MRPS27: variants seen among roughly 807,000 people sequenced by gnomAD.
MRPS27 encodes the protein mitochondrial ribosomal protein S27, also known as small ribosomal subunit protein mS27.
A neutral mutation model predicts 48.9 loss-of-function variants in MRPS27; 43 were observed. The ratio of observed to expected loss-of-function variants is 0.88; its 90% CI spans 0.69 to 1.13. MRPS27 has a LOEUF of 1.13. MRPS27 is among the 50% of genes most tolerant of loss of function. The pLI is 0.00. For missense variants in MRPS27, 467 were observed against 476.3 expected (o/e 0.98, Z 0.18); for synonymous variants, 188 against 171.9 (o/e 1.09, Z -0.73).
chr5:72,238,712 T>C lies in MRPS27; in HGVS notation c.282-584A>G, dbSNP rs551324867. Among the ~76,000 whole-genome samples the C allele has an allele frequency of 3.3e-5, 5 of 152,304 alleles. No homozygotes were observed. In the South Asian group the frequency reaches 8.3e-4, roughly 25 times the overall value. On this transcript the variant is annotated intron_variant, in intron 4 of 10. Coordinates refer to ENST00000261413, the MANE Select transcript of MRPS27 (RefSeq NM_015084.3). Reference sequence around the variant, plus strand: ...CAATCCCACACTGCCTTCTTCACAGTTCCATTGTAGCTCATCAGTTTATCC... The same window carrying C: ...CAATCCCACACTGCCTTCTTCACAGCTCCATTGTAGCTCATCAGTTTATCC...
At chr5:72,262,669 G>C (rs1749013928) in intron 4 of MRPS27, among the ~76,000 whole-genome samples, 3 of 152,148 alleles carry the variant, frequency 2.0e-5, no homozygotes, top group Non-Finnish European at 4.4e-5. Flanking sequence ...AGAAAAAAAG[G>C]GGGAGAGAGT....
intron 9 of MRPS27, among the ~76,000 whole-genome samples, chr5:72,224,555 T>C (rs965031687): frequency 6.6e-6 from 1 of 152,192 alleles, no homozygotes; most frequent in African/African-American, 2.4e-5. Context: ...GGATAGGCAA[T>C]TACAGAACAC....
chr5:72,245,581 G>GA (rs1287192765), intron 4 of MRPS27, among the ~76,000 whole-genome samples: 23 of 151,134 alleles, frequency 1.5e-4, no homozygotes, highest in African/African-American at 4.6e-4. Flanking sequence ...AGGTGAGAAA[G>GA]AAAAAAAAGG....
At chr5:72,259,438 A>G (rs979819030) in intron 4 of MRPS27, among the ~76,000 whole-genome samples, 2 of 148,826 alleles carry the variant, frequency 1.3e-5, no homozygotes, top group African/African-American at 5.0e-5. Context: ...ACTACACTCC[A>G]GCCTGGGCAA....
intron 4 of MRPS27, among the ~76,000 whole-genome samples, chr5:72,290,721 G>A (rs1749795271): frequency 6.6e-6 from 1 of 152,192 alleles, no homozygotes; most frequent in Non-Finnish European, 1.5e-5. Flanking sequence ...ATAGGAAGTA[G>A]AAATTAATCC....
At chr5:72,311,320 A>T (rs1456192932) in intron 2 of MRPS27, among the ~76,000 whole-genome samples, 1 of 152,226 alleles carries the variant, frequency 6.6e-6, no homozygotes, top group African/African-American at 2.4e-5. Context: ...GAAAGTGTGT[A>T]TACAGGGGGA....
At chr5:72,290,312 T>C (rs1044781838) in intron 4 of MRPS27, among the ~76,000 whole-genome samples, 1 of 152,192 alleles carries the variant, frequency 6.6e-6, no homozygotes, top group East Asian at 1.9e-4. Flanking sequence ...ACACTCACCA[T>C]AACTGACTCC....
intron 4 of MRPS27, among the ~76,000 whole-genome samples, chr5:72,277,443 A>C (rs1749406934): frequency 1.3e-5 from 2 of 152,092 alleles, no homozygotes; most frequent in Admixed American, 6.5e-5. Context: ...GTCTCTACTA[A>C]AAATACAAAA....
intron 4 of MRPS27, among the ~76,000 whole-genome samples, chr5:72,273,728 G>T (rs1749303970): frequency 6.6e-6 from 1 of 152,206 alleles, no homozygotes; most frequent in South Asian, 2.1e-4. Context: ...AGCACTACAA[G>T]TAGCTCTGGG....
At chr5:72,298,383 A>G (rs970555575) in intron 2 of MRPS27, among the ~76,000 whole-genome samples, 6 of 152,186 alleles carry the variant, frequency 3.9e-5, no homozygotes, top group African/African-American at 1.2e-4. Flanking sequence ...AAAATAACAG[A>G]TGCTGGCAAG....
intron 1 of MRPS27, among the ~76,000 whole-genome samples, chr5:72,319,469 C>CCCTCTA (rs1750677215): frequency 1.3e-5 from 2 of 151,686 alleles, no homozygotes; most frequent in Non-Finnish European, 2.9e-5. Flanking sequence ...TATCTGACGT[C>CCCTCTA]CCTCTAAAGA....
intron 4 of MRPS27, among the ~76,000 whole-genome samples, chr5:72,247,045 C>G (rs1030855388): frequency 3.4e-4 from 51 of 152,140 alleles, no homozygotes; most frequent in African/African-American, 1.2e-3. Context: ...GTCACTTGAT[C>G]CTTCAGGGTT....
At chr5:72,306,336 A>G (rs1235757642) in intron 2 of MRPS27, among the ~76,000 whole-genome samples, 1 of 152,250 alleles carries the variant, frequency 6.6e-6, no homozygotes. Context: ...AGGGGCAATC[A>G]AATGCTGTGT....
intron 4 of MRPS27, among the ~76,000 whole-genome samples, chr5:72,284,442 A>G (rs1395542745): frequency 6.6e-6 from 1 of 151,928 alleles, no homozygotes; most frequent in African/African-American, 2.4e-5. Context: ...AAAAAAAAAA[A>G]AAATTTGGTT....
chr5:72,309,175 T>A (rs1750367798), intron 2 of MRPS27, among the ~76,000 whole-genome samples: 1 of 147,888 alleles, frequency 6.8e-6, no homozygotes, highest in South Asian at 2.2e-4. Flanking sequence ...GCAGGAAAAA[T>A]TCAGTAAATG....
intron 4 of MRPS27, among the ~76,000 whole-genome samples, chr5:72,284,560 C>T (rs1465947712): frequency 6.6e-6 from 1 of 151,890 alleles, no homozygotes; most frequent in Non-Finnish European, 1.5e-5. Flanking sequence ...AAGTAATATA[C>T]ACCCATGATA....
chr5:72,309,780 A>G (rs1750388932), intron 2 of MRPS27, among the ~76,000 whole-genome samples: 1 of 152,200 alleles, frequency 6.6e-6, no homozygotes. Flanking sequence ...TTTGCTTATA[A>G]TTCACATATG....
intron 4 of MRPS27, among the ~76,000 whole-genome samples, chr5:72,251,448 G>T (rs1485279957): frequency 1.3e-5 from 2 of 152,134 alleles, no homozygotes; most frequent in East Asian, 3.9e-4. Flanking sequence ...AGAAGCAAGG[G>T]GATGACCTAA....
At chr5:72,228,578 T>A in intron 7 of MRPS27, 1 of 402,596 alleles carries the variant, frequency 2.5e-6, no homozygotes, top group Non-Finnish European at 4.4e-6. Flanking sequence ...TATATGTTAA[T>A]GGATTTTTGG....
Sources: allele counts gnomAD v4.1 joint callset (sites outside exome capture counted in the v4.1 genomes callset), GRCh38; gene constraint gnomAD v4.1.1; transcripts MANE v1.5; gene names NCBI Gene and HGNC (gene_info 2026-07-23, HGNC 2026-07-21).